The following KCNT2 variants were observed in gnomAD, a reference collection of about 807,000 sequenced individuals.
The protein encoded by KCNT2 is potassium sodium-activated channel subfamily T member 2.
In KCNT2, 67 loss-of-function variants were observed where a neutral mutation model predicts 153.8. The ratio of observed to expected loss-of-function variants is 0.44; its 90% CI spans 0.36 to 0.53. The LOEUF is 0.53. Among genes scored for constraint, KCNT2 ranks in the 20% least tolerant of loss-of-function variants. The pLI is 0.00. For synonymous variants in KCNT2, 500 were observed against 458.8 expected (o/e 1.09, Z -1.15); for missense variants, 975 against 1,354.8 (o/e 0.72, Z 4.40).
intron 27 of KCNT2, among the ~76,000 whole-genome samples, chr1:196,235,424 A>C (rs113577146): frequency 0.05 from 7,505 of 151,486 alleles, 278 homozygotes; most frequent in Non-Finnish European, 0.071. Flanking sequence ...ACAAAGTGCT[A>C]TTATGTATTG....
intron 3 of KCNT2, among the ~76,000 whole-genome samples, chr1:196,485,557 A>G (rs1679354160): frequency 6.6e-6 from 1 of 152,018 alleles, no homozygotes; most frequent in African/African-American, 2.4e-5. Context: ...AATGTCATAA[A>G]GAATTTAAAT....
At chr1:196,397,887 T>C (rs533729655) in intron 13 of KCNT2, among the ~76,000 whole-genome samples, 203 of 151,576 alleles carry the variant, frequency 1.3e-3, no homozygotes, top group Admixed American at 3.2e-3. Context: ...GGGATATTTG[T>C]GATTGTGGGG....
intron 10 of KCNT2, among the ~76,000 whole-genome samples, chr1:196,427,062 T>G (rs1414910891): frequency 6.6e-6 from 1 of 152,024 alleles, no homozygotes; most frequent in Non-Finnish European, 1.5e-5. Flanking sequence ...AGCAGGCTAA[T>G]ACACCATGGG....
intron 25 of KCNT2, among the ~76,000 whole-genome samples, chr1:196,269,766 A>C (rs1657897435): frequency 6.6e-6 from 1 of 152,144 alleles, no homozygotes; most frequent in African/African-American, 2.4e-5. Context: ...TTATGGCGGA[A>C]GTTTCAAATA....
At chr1:196,365,941 A>C (rs1191064806) in intron 14 of KCNT2, among the ~76,000 whole-genome samples, 1 of 152,162 alleles carries the variant, frequency 6.6e-6, no homozygotes, top group Non-Finnish European at 1.5e-5. Context: ...TTTTCAAAGT[A>C]ATCCTGTGAG....
intron 12 of KCNT2, among the ~76,000 whole-genome samples, chr1:196,405,219 G>A (rs1671732101): frequency 6.6e-6 from 1 of 150,970 alleles, no homozygotes; most frequent in South Asian, 2.1e-4. Flanking sequence ...TTTTCTTGGG[G>A]ACAAATTCAT....
chr1:196,540,619 A>T (rs1311803628), intron 1 of KCNT2, among the ~76,000 whole-genome samples: 1 of 152,238 alleles, frequency 6.6e-6, no homozygotes, highest in Admixed American at 6.5e-5. Flanking sequence ...TGAAAGTAGC[A>T]TAATGTGGCT....
At chr1:196,566,922 T>C (rs1448259640) in intron 1 of KCNT2, among the ~76,000 whole-genome samples, 1 of 152,134 alleles carries the variant, frequency 6.6e-6, no homozygotes, top group Non-Finnish European at 1.5e-5. Context: ...GTTTTCATTA[T>C]ATACTTCAAA....
At chr1:196,530,197 T>C (rs551361330) in intron 1 of KCNT2, among the ~76,000 whole-genome samples, 2 of 152,058 alleles carry the variant, frequency 1.3e-5, no homozygotes, top group East Asian at 1.9e-4. Context: ...TGTAGCAATA[T>C]AGAAAATGTA....
At chr1:196,600,179 A>T (rs1664560374) in intron 1 of KCNT2, among the ~76,000 whole-genome samples, 1 of 152,012 alleles carries the variant, frequency 6.6e-6, no homozygotes, top group East Asian at 1.9e-4. Flanking sequence ...ATCCAACATC[A>T]TTTCACGGTG....
intron 4 of KCNT2, among the ~76,000 whole-genome samples, chr1:196,479,787 C>A (rs1253529673): frequency 2.0e-5 from 3 of 152,146 alleles, no homozygotes; most frequent in Non-Finnish European, 2.9e-5. Flanking sequence ...AGAAGCATGA[C>A]CATCTGTACC....
intron 1 of KCNT2, among the ~76,000 whole-genome samples, chr1:196,526,249 T>C (rs2148835352): frequency 6.6e-6 from 1 of 151,786 alleles, no homozygotes; most frequent in South Asian, 2.1e-4. Flanking sequence ...TTATATATGC[T>C]ATGATATATA....
intron 22 of KCNT2, among the ~76,000 whole-genome samples, chr1:196,300,135 G>T (rs1661041840): frequency 6.6e-6 from 1 of 152,210 alleles, no homozygotes; most frequent in Middle Eastern, 3.2e-3. Context: ...GCTGCAAGGA[G>T]TGTATATTTC....
At chr1:196,349,662 G>A (rs1666456012) in intron 14 of KCNT2, among the ~76,000 whole-genome samples, 1 of 151,594 alleles carries the variant, frequency 6.6e-6, no homozygotes, top group African/African-American at 2.4e-5. Flanking sequence ...AGAAAGATAG[G>A]TCAAACCTTT....
At chr1:196,450,366 A>C (rs1006785300) in intron 8 of KCNT2, among the ~76,000 whole-genome samples, 5 of 151,894 alleles carry the variant, frequency 3.3e-5, no homozygotes, top group Non-Finnish European at 7.4e-5. Context: ...TTTACACATT[A>C]ATCCTAATCC....
intron 26 of KCNT2, 59 bp downstream of exon 26, chr1:196,258,135 T>C (rs1337660205): frequency 1.3e-6 from 2 of 1,557,296 alleles, no homozygotes; most frequent in African/African-American, 1.4e-5. Context: ...ACCAACTATA[T>C]TACTACTAAT....
intron 14 of KCNT2, among the ~76,000 whole-genome samples, chr1:196,353,596 T>C (rs1666933837): frequency 1.3e-5 from 2 of 151,970 alleles, no homozygotes; most frequent in South Asian, 4.1e-4. Context: ...TGTGTGTAAA[T>C]CAATTTGTAC....
At chr1:196,240,576 G>C (rs185642597) in intron 26 of KCNT2, among the ~76,000 whole-genome samples, 16 of 152,140 alleles carry the variant, frequency 1.1e-4, no homozygotes, top group Admixed American at 7.2e-4. Flanking sequence ...TGCATAAATA[G>C]AGAAAGCGTG....
intron 8 of KCNT2, among the ~76,000 whole-genome samples, chr1:196,451,217 C>CTATTTTTTTTTT (rs1676135727): frequency 1.6e-5 from 1 of 63,552 alleles, no homozygotes; most frequent in African/African-American, 4.7e-5. Flanking sequence ...ATCCCTCTTT[C>CTATTTTTTTTTT]TTTTTTTTTT....
Sources: allele counts gnomAD v4.1 joint callset (sites outside exome capture counted in the v4.1 genomes callset), GRCh38; gene constraint gnomAD v4.1.1; transcripts MANE v1.5; gene names NCBI Gene and HGNC (gene_info 2026-07-23, HGNC 2026-07-21).